The following FRMD6 variants were observed in gnomAD, a reference collection of about 807,000 sequenced individuals.
FRMD6 encodes the protein FERM domain containing 6.
In FRMD6, 37 loss-of-function variants were observed where a neutral mutation model predicts 73.2. The ratio of observed to expected loss-of-function variants is 0.51; its 90% CI spans 0.39 to 0.66. The LOEUF is 0.66. Among genes scored for constraint, FRMD6 ranks in the 30% least tolerant of loss-of-function variants. The pLI, the probability that FRMD6 is intolerant of heterozygous loss-of-function variation, is 0.00. For synonymous variants in FRMD6, 273 were observed against 282.2 expected, an observed-to-expected ratio of 0.97 and a Z score of 0.33; for missense variants, 714 against 780.5, an observed-to-expected ratio of 0.91 and a Z score of 1.02.
chr14:51,727,789 G>C lies in FRMD6; in HGVS notation c.1629G>C (p.Leu543Phe). The C allele has an allele frequency of 6.2e-7, 1 of 1,612,952 alleles. No individual in the cohort carries two copies. Among genetic ancestry groups the C allele is most frequent in the Non-Finnish European group, 8.5e-7 (1 of 1,178,990 alleles). The change falls in exon 14 of 14, where the codon TTG becomes TTC. Residue 543 changes from leucine to phenylalanine, a missense_variant. Transcript: ENST00000344768. ...KPKTSTDRHS[L>F]SLDDIRLYQK... is the part of the protein sequence containing the mutation. ...AGACCTCCACTGATCGACACAGCTT[G>C]AGCCTCGATGACATCAGACTTTACC...
chr14:51,581,309 A>G (rs1392879910), intron 2 of FRMD6, among the ~76,000 whole-genome samples: 2 of 152,168 alleles, frequency 1.3e-5, no homozygotes, highest in South Asian at 4.1e-4. Context: ...GCTCATTCAT[A>G]CATTCATTCA....
intron 1 of FRMD6, among the ~76,000 whole-genome samples, chr14:51,688,210 A>G (rs763902797): frequency 1.2e-4 from 18 of 152,160 alleles, no homozygotes; most frequent in Non-Finnish European, 2.4e-4. Flanking sequence ...GAACGATAGC[A>G]CAGGCCTCCA....
intron 2 of FRMD6, among the ~76,000 whole-genome samples, chr14:51,697,514 A>G (rs934930239): frequency 3.3e-5 from 5 of 152,124 alleles, no homozygotes; most frequent in African/African-American, 1.2e-4. Flanking sequence ...CTGGGGAGAT[A>G]TTAGTAAAAA....
At chr14:51,420,914 C>T in the FRMD6 span, among the ~76,000 whole-genome samples, 1 of 152,154 alleles carries the variant, frequency 6.6e-6, no homozygotes, top group South Asian at 2.1e-4. Context: ...GCTGGGACTA[C>T]AGGTGTGCCC....
the FRMD6 span, among the ~76,000 whole-genome samples, chr14:51,464,031 A>T: frequency 6.6e-6 from 1 of 152,128 alleles, no homozygotes; most frequent in Non-Finnish European, 1.5e-5. Context: ...GCTGGTTTCC[A>T]ATTGCTAGGC....
At position 51,708,097 on chromosome 14, in the gene FRMD6, A is replaced by G. The variant is rs746783176; in HGVS notation, c.578A>G (p.Lys193Arg). The G allele has an allele frequency of 1.9e-6, 3 of 1,613,092 alleles. No individual in the cohort carries two copies. The highest frequency in any genetic ancestry group is 1.1e-5 in the South Asian group (1 of 91,052). The change falls in exon 7 of 14, where the codon AAG (lysine) becomes AGG (arginine). Residue 193 changes from lysine (K) to arginine (R), a missense_variant. Transcript: ENST00000344768. ...CAACAGGTTGTTTCCAAGAGGGGGA[A>G]GGACTACATCCTGAAGCACATTCCA... ...FPSWVVSKRGKDYILKHIPNM... is the reference protein window; with the variant it reads ...FPSWVVSKRGRDYILKHIPNM...
chr14:51,585,462 T>A (rs1403751591), intron 2 of FRMD6, among the ~76,000 whole-genome samples: 1 of 152,174 alleles, frequency 6.6e-6, no homozygotes, highest in Non-Finnish European at 1.5e-5. Context: ...ATATCAGATT[T>A]AGCAGATTAT....
At chr14:51,498,027 G>A (rs1566777776) in intron 1 of FRMD6, among the ~76,000 whole-genome samples, 1 of 152,156 alleles carries the variant, frequency 6.6e-6, no homozygotes, top group Non-Finnish European at 1.5e-5. Context: ...AAATGGAAAT[G>A]AGGAACAGTC....
the FRMD6 span, among the ~76,000 whole-genome samples, chr14:51,471,316 T>C: frequency 2.1e-4 from 32 of 152,034 alleles, no homozygotes; most frequent in Non-Finnish European, 1.8e-4. Flanking sequence ...AGTGAAACCC[T>C]GTCTCTACTA....
intron 2 of FRMD6, among the ~76,000 whole-genome samples, chr14:51,582,885 C>A (rs551615947): frequency 6.6e-6 from 1 of 152,270 alleles, no homozygotes; most frequent in Admixed American, 6.5e-5. Flanking sequence ...AAACACATTT[C>A]ATCTTGACCA....
chr14:51,419,232 G>T, the FRMD6 span, among the ~76,000 whole-genome samples: 1 of 152,204 alleles, frequency 6.6e-6, no homozygotes. Flanking sequence ...ACCTCAGTTG[G>T]AAATGCACAA....
chr14:51,696,334 C>T (rs1270260525), intron 2 of FRMD6, among the ~76,000 whole-genome samples: 1 of 151,154 alleles, frequency 6.6e-6, no homozygotes, highest in Non-Finnish European at 1.5e-5. Flanking sequence ...TACTGTCCTC[C>T]ATAATACTAC....
chr14:51,427,612 A>G, the FRMD6 span, among the ~76,000 whole-genome samples: 1 of 152,348 alleles, frequency 6.6e-6, no homozygotes, highest in Admixed American at 6.5e-5. Flanking sequence ...TGTTGGCTAT[A>G]AGTTGCAGAA....
chr14:51,467,195 T>C, the FRMD6 span, among the ~76,000 whole-genome samples: 2 of 151,378 alleles, frequency 1.3e-5, no homozygotes, highest in Non-Finnish European at 1.5e-5. Flanking sequence ...CCTTCAAGCA[T>C]CTGTTTAACA....
At chr14:51,683,808 G>A (rs1046362545) in intron 1 of FRMD6, among the ~76,000 whole-genome samples, 1 of 152,080 alleles carries the variant, frequency 6.6e-6, no homozygotes, top group Admixed American at 6.6e-5. Context: ...ATTTGAGAAA[G>A]GGTTATTTAA....
intron 2 of FRMD6, among the ~76,000 whole-genome samples, chr14:51,621,892 G>T (rs1890942006): frequency 6.6e-6 from 1 of 152,152 alleles, no homozygotes; most frequent in South Asian, 2.1e-4. Flanking sequence ...TGGTCACAGA[G>T]GGGACCAGCA....
intron 1 of FRMD6, among the ~76,000 whole-genome samples, chr14:51,546,441 T>C (rs1886469592): frequency 6.6e-6 from 1 of 150,504 alleles, no homozygotes; most frequent in Admixed American, 6.6e-5. Context: ...ATTCCTGAAG[T>C]TTATTTTGAT....
At chr14:51,668,567 A>G (rs946635537) in intron 1 of FRMD6, among the ~76,000 whole-genome samples, 1 of 152,148 alleles carries the variant, frequency 6.6e-6, no homozygotes, top group African/African-American at 2.4e-5. Flanking sequence ...TAGCCTCCCA[A>G]AGTGCTGGGA....
chr14:51,548,142 G>A (rs192789688), intron 1 of FRMD6, among the ~76,000 whole-genome samples: 16 of 152,238 alleles, frequency 1.1e-4, no homozygotes, highest in Admixed American at 3.3e-4. Context: ...AGGGATCTGC[G>A]TTATTTGTGG....
Sources: allele counts gnomAD v4.1 joint callset (sites outside exome capture counted in the v4.1 genomes callset), GRCh38; gene constraint gnomAD v4.1.1; transcripts MANE v1.5; gene names NCBI Gene and HGNC (gene_info 2026-07-23, HGNC 2026-07-21).